C17orf58: variants seen among roughly 807,000 people sequenced by gnomAD.
The protein encoded by C17orf58 is chromosome 17 open reading frame 58.
C17orf58 carries 5 observed loss-of-function variants against 7.4 expected under a neutral mutation model. The observed-to-expected ratio is 0.67, with a 90% CI of 0.35 to 1.42. The LOEUF is 1.42. C17orf58 is among the 40% of genes most tolerant of loss of function. C17orf58 has a pLI of 0.04. For missense variants in C17orf58, 162 were observed against 174.2 expected, an observed-to-expected ratio of 0.93 and a Z score of 0.40; for synonymous variants, 60 against 70.6, an observed-to-expected ratio of 0.85 and a Z score of 0.75.
At chr17:67,994,514 G>GTATATATATATATATATATATATATA (rs1555699612) in intron 1 of C17orf58, among the ~76,000 whole-genome samples, 1 of 87,210 alleles carries the variant, frequency 1.1e-5, no homozygotes, top group Non-Finnish European at 2.6e-5. Context: ...GTGTGTGTGT[G>GTATATATATATATATATATATATATA]TGTATATATA....
chr17:67,992,437 G>T (rs1223667325), intron 3 of C17orf58, among the ~76,000 whole-genome samples: 2 of 151,902 alleles, frequency 1.3e-5, no homozygotes, highest in African/African-American at 4.8e-5. Flanking sequence ...GCGTGGTGGC[G>T]CATGCCTGTA....
chr17:67,996,030 C>A (rs1478102064), intron 1 of C17orf58, 93 bp downstream of exon 1: 4 of 398,546 alleles, frequency 1.0e-5, no homozygotes, highest in South Asian at 2.6e-4. Flanking sequence ...CTCTGACCCC[C>A]CTCCTCGTCC....
At chr17:67,995,306 C>T (rs2070883294) in intron 1 of C17orf58, among the ~76,000 whole-genome samples, 1 of 152,212 alleles carries the variant, frequency 6.6e-6, no homozygotes, top group Non-Finnish European at 1.5e-5. Context: ...ATATCCAATT[C>T]CTGACTGTCA....
chr17:67,993,666 A>C lies in C17orf58; in HGVS notation c.395T>G (p.Leu132Arg), dbSNP rs2070863483. 1 of 142,602 alleles carries C rather than the reference A, an allele frequency of 7.0e-6. No homozygotes were observed. The highest frequency in any genetic ancestry group is 2.6e-5 in the African/African-American group (1 of 38,990). The allele number at this position is 142,602 out of a possible 1,614,324, so 8.8% of individuals were successfully genotyped here. Residue 132 changes from leucine to arginine, a missense_variant, in exon 2 of 4, where the codon CTG (leucine) becomes CGG (arginine). Physicochemically the swap from Leu to Arg is moderately radical, Grantham distance 102. Transcript: ENST00000580729. The surrounding 1 kb of genome is among the most constrained non-coding windows in gnomAD (Gnocchi z 5.1). ...GGGCGGCCGGGCGGCGGGGAAGCGC[A>C]GGGCCCGTGAGCGCGCGCGTCGCGG... ...DAPRRARSRA[L>R]RFPAARPPAL...
At chr17:67,994,516 G>GTGTGTGTGTGTGTGTGTGTA (rs1244199425) in intron 1 of C17orf58, among the ~76,000 whole-genome samples, 2 of 89,544 alleles carry the variant, frequency 2.2e-5, no homozygotes, top group Non-Finnish European at 4.9e-5. Context: ...GTGTGTGTGT[G>GTGTGTGTGTGTGTGTGTGTA]TATATATATA....
intron 1 of C17orf58, among the ~76,000 whole-genome samples, chr17:67,995,810 G>A (rs2148738717): frequency 6.6e-6 from 1 of 152,334 alleles, no homozygotes. Flanking sequence ...CGAAAGGCGC[G>A]CCACGACCCC....
intron 1 of C17orf58, among the ~76,000 whole-genome samples, chr17:67,994,514 G>GTATATATATA (rs1555699612): frequency 6.9e-5 from 6 of 87,196 alleles, no homozygotes; most frequent in African/African-American, 1.1e-4. Context: ...GTGTGTGTGT[G>GTATATATATA]TGTATATATA....
Position 67,993,828 on chromosome 17 carries a change from C to T in C17orf58, c.233G>A (p.Arg78Gln), listed in dbSNP as rs1764334437. Residue 78 changes from arginine to glutamine, a missense_variant, in exon 2 of 4, where the codon CGG becomes CAG. Arg to Gln is a conservative substitution (Grantham distance 43). Around this residue, in one of 3 missense-constraint regions of C17orf58, gnomAD observed 93 missense variants for 90.4 expected, o/e 1.03. Coordinates refer to ENST00000580729, the MANE Select transcript of C17orf58 (RefSeq NM_001382359.1). The surrounding 1 kb of genome is among the most constrained non-coding windows in gnomAD (Gnocchi z 5.1). Reference sequence around the variant, plus strand: ...GTTGTCGGCCGGCGGTGGGGGCTTCCGGCGGCGCGGGTCAGGCCAGGCGCG... The same window carrying T: ...GTTGTCGGCCGGCGGTGGGGGCTTCTGGCGGCGCGGGTCAGGCCAGGCGCG... Reference protein sequence around the residue: ...AARAWPDPRRRKPPPPADNQA... With the variant: ...AARAWPDPRRQKPPPPADNQA... 9.9e-6 allele frequency: 3 copies of T among 302,434 alleles called. No individual in the cohort carries two copies. Among genetic ancestry groups the T allele is most frequent in the African/African-American group, 6.9e-5 (3 of 43,588 alleles). 18.7% of individuals were successfully genotyped at this position (302,434 alleles called of 1,614,324 possible). A position where few individuals can be genotyped will look rare whatever the true frequency, so the allele number is the denominator to read the frequency against.
At chr17:67,995,694 C>T (rs1555699727) in intron 1 of C17orf58, among the ~76,000 whole-genome samples, 1 of 152,192 alleles carries the variant, frequency 6.6e-6, no homozygotes, top group Non-Finnish European at 1.5e-5. Context: ...CGGATTTCGG[C>T]CCCGCTTCCC....
chr17:67,991,928 A>G lies in C17orf58; in HGVS notation c.1005T>C (p.His335=), dbSNP rs1555699279. ...GATGGTTGTTTCAAATGCATTGGGT[A>G]TGAATTGCACCTTGAATCTGCCCTT... The part of the protein sequence containing the change: ...KREGQIQGAI[H]TQCI Residue 335 remains histidine, a synonymous_variant, in exon 4 of 4, where the codon CAT becomes CAC. Transcript: ENST00000580729. The G allele has an allele frequency of 1.9e-6, 3 of 1,610,116 alleles. 1 individual carries two copies. In the South Asian group the frequency reaches 3.3e-5, roughly 18 times the overall value.
chr17:67,991,991 G>A lies in C17orf58; in HGVS notation c.942C>T (p.Ser314=). ...RLRPGDGLLR[S]SSSYVKRFNR... is the part of the protein sequence containing the mutation. ...TAAACCTTTTCACATAGCTGCTGCT[G>A]CTCCTTAGCAGTCCATCCCCTGGAC... The change falls in exon 4 of 4, where the codon AGC becomes AGT. Residue 314 remains serine (S), a synonymous_variant. Transcript: ENST00000580729. 1 of 1,612,988 alleles carries A rather than the reference G, an allele frequency of 6.2e-7. No homozygotes were observed.
chr17:67,991,876 A>C lies in C17orf58; in HGVS notation c.*37T>G, dbSNP rs782736106. ...CTTTCATGTCTTGTTGCCGACGTCC[A>C]AGTCTCTTGCGGTCCAGAAATGCCA... On this transcript the variant is annotated 3_prime_UTR_variant, in exon 4 of 4. Transcript: ENST00000580729. The C allele has an allele frequency of 6.5e-7, 1 of 1,543,598 alleles. No homozygotes were observed.
At chr17:67,994,493 C>CGTGTGT (rs71142121) in intron 1 of C17orf58, among the ~76,000 whole-genome samples, 11 of 94,368 alleles carry the variant, frequency 1.2e-4, no homozygotes, top group African/African-American at 3.7e-4. Context: ...TGTGCGTGTG[C>CGTGTGT]GTGTGTGTGT....
rs782038440 is a variant in C17orf58, at chr17:67,991,953, TC to T, written c.979del (p.Glu327LysfsTer53). On this transcript the variant is annotated frameshift_variant, in exon 4 of 4. Coordinates refer to ENST00000580729, the MANE Select transcript of C17orf58 (RefSeq NM_001382359.1). LOFTEE classifies it high-confidence loss of function. ...SYVKRFNRKREGQIQGAIHTQ... is the reference protein window; with the variant it reads ...SYVKRFNRKRXGQIQGAIHTQ... The stretch of plus-strand genomic sequence containing the variant: ...ATGAATTGCACCTTGAATCTGCCCT[TC>T]CCTTTTTCGATTAAACCTTTTCACA... The T allele has an allele frequency of 6.2e-7, 1 of 1,613,058 alleles. No homozygotes were observed. The highest frequency in any genetic ancestry group is 1.1e-5 in the South Asian group (1 of 90,692).
At chr17:67,992,653 T>C (rs2070845846) in intron 3 of C17orf58, among the ~76,000 whole-genome samples, 1 of 149,922 alleles carries the variant, frequency 6.7e-6, no homozygotes, top group South Asian at 2.1e-4. Context: ...CTATCAGGAT[T>C]TCCCAGAGCA....
Position 67,992,906 on chromosome 17 carries a change from G to C in C17orf58, c.829+138C>G, listed in dbSNP as rs782731023. On this transcript the variant is annotated intron_variant, in intron 3 of 3. Coordinates refer to ENST00000580729, the MANE Select transcript of C17orf58 (RefSeq NM_001382359.1). ...CAGAGTGGCCGGAATAATACCTGTCGTCTAAATCCCATTCATGTCATTGTT... is the reference window on the plus strand; with the variant it reads ...CAGAGTGGCCGGAATAATACCTGTCCTCTAAATCCCATTCATGTCATTGTT... The C allele has an allele frequency of 7.4e-6, 12 of 1,613,744 alleles. 1 individual carries two copies. In the South Asian group the frequency reaches 1.3e-4, roughly 18 times the overall value.
intron 3 of C17orf58, among the ~76,000 whole-genome samples, chr17:67,992,387 G>C (rs1407566461): frequency 6.6e-6 from 1 of 151,952 alleles, no homozygotes; most frequent in Non-Finnish European, 1.5e-5. Context: ...GGCCAACATG[G>C]TGAAACCCCG....
rs1295993250 is a variant in C17orf58, at chr17:67,994,434, TAAC to T, written c.77-453_77-451del. ...AACATGTCTTACAACACTGGTTAGA[TAAC>T]AAACTTTTTTGCCCTTCCTTTAATA... is the stretch of plus-strand genomic sequence containing the variant. On this transcript the variant is annotated intron_variant, in intron 1 of 3. Transcript: ENST00000580729. Among the ~76,000 whole-genome samples, 13 of 150,832 alleles carry T rather than the reference TAAC, an allele frequency of 8.6e-5. 1 individual carries two copies. Among genetic ancestry groups the T allele is most frequent in the Admixed American group, 2.7e-4 (4 of 15,082 alleles).
chr17:67,993,290 C>A lies in C17orf58; in HGVS notation c.638-55G>T. ...CATTACCCCGAGTTCCTCTCCCAGT[C>A]CCCCAGGAGGTGGTTTTTAGCAACC... On this transcript the variant is annotated intron_variant, in intron 2 of 3. Coordinates refer to ENST00000580729, the MANE Select transcript of C17orf58 (RefSeq NM_001382359.1). The surrounding 1 kb of genome is among the most constrained non-coding windows in gnomAD (Gnocchi z 5.1). The A allele has an allele frequency of 8.7e-7, 1 of 1,151,714 alleles. No homozygotes were observed. Among genetic ancestry groups the A allele is most frequent in the Admixed American group, 2.4e-5 (1 of 40,932 alleles). The allele number at this position is 1,151,714 out of a possible 1,614,324, so 71.3% of individuals were successfully genotyped here.
Sources: gnomAD v4.1 joint callset for allele counts (sites outside exome capture counted in the v4.1 genomes callset) on GRCh38, gnomAD v4.1.1 for gene constraint, gnomAD v4.1.1 regional missense constraint, Gnocchi (gnomAD v3.1) non-coding constraint, MANE v1.5 for transcripts, NCBI Gene and HGNC (gene_info 2026-07-23, HGNC 2026-07-21) for gene names.